The following CAMSAP1 variants were observed in gnomAD, a reference collection of about 807,000 sequenced individuals.
CAMSAP1 encodes calmodulin regulated spectrin associated protein 1.
Under a neutral mutation model 143.5 loss-of-function variants are expected in CAMSAP1, and 58 were observed. That is an observed-to-expected ratio of 0.40 (90% confidence interval 0.33 to 0.50). The LOEUF (loss-of-function observed/expected upper bound fraction) is 0.50, where lower values mean the gene tolerates loss of function less well. Among genes scored for constraint, CAMSAP1 ranks in the 20% least tolerant of loss-of-function variants. The pLI, the probability that CAMSAP1 is intolerant of heterozygous loss-of-function variation, is 0.45. For synonymous variants in CAMSAP1, 945 were observed against 859.3 expected, an observed-to-expected ratio of 1.10 and a Z score of -1.74; for missense variants, 1,969 against 2,115.7, an observed-to-expected ratio of 0.93 and a Z score of 1.36.
At chr9:135,840,451 T>C (rs1033376592) in intron 7 of CAMSAP1, among the ~76,000 whole-genome samples, 7 of 151,888 alleles carry the variant, frequency 4.6e-5, no homozygotes, top group African/African-American at 1.7e-4. Context: ...CACGACGGGG[T>C]CCGATGGGAA....
chr9:135,874,481 G>T lies in CAMSAP1; in HGVS notation c.585+7152C>A, dbSNP rs568270234. 6.9e-4 allele frequency among the ~76,000 whole-genome samples: 104 copies of T among 150,174 alleles called. 7 individuals carry two copies. In the South Asian group the frequency reaches 0.011, roughly 16 times the overall value. On this transcript the variant is annotated intron_variant, in intron 3 of 16. Coordinates refer to ENST00000389532, the MANE Select transcript of CAMSAP1 (RefSeq NM_015447.4). ...GGGTGAGACCCTGTCTCAAAAAAGG[G>T]GGGGGGGGGCCACAGGGGCCGGGAA...
intron 7 of CAMSAP1, among the ~76,000 whole-genome samples, chr9:135,827,913 C>T (rs927184023): frequency 6.6e-6 from 1 of 152,262 alleles, no homozygotes; most frequent in African/African-American, 2.4e-5. Context: ...AAACCACGTG[C>T]CACCTTCACC....
Position 135,820,497 on chromosome 9 carries a change from C to A in CAMSAP1, c.3822+342G>T, listed in dbSNP as rs560742202. ...GCATTCTAACGACGAACGCTTTTTACGCTTTGGGGCAGGACAGGGAGATGA... is the reference window on the plus strand; with the variant it reads ...GCATTCTAACGACGAACGCTTTTTAAGCTTTGGGGCAGGACAGGGAGATGA... On this transcript the variant is annotated intron_variant, in intron 11 of 16. Transcript: ENST00000389532. The surrounding 1 kb of genome is among the most constrained non-coding windows in gnomAD (Gnocchi z 4.4). Among the ~76,000 whole-genome samples the A allele has an allele frequency of 1.4e-3, 207 of 152,020 alleles. No individual in the cohort carries two copies. Among genetic ancestry groups the A allele is most frequent in the African/African-American group, 4.7e-3 (193 of 41,416 alleles).
intron 4 of CAMSAP1, among the ~76,000 whole-genome samples, chr9:135,863,528 C>A (rs1212054737): frequency 6.6e-6 from 1 of 152,188 alleles, no homozygotes; most frequent in Non-Finnish European, 1.5e-5. Context: ...TAAAAAATGA[C>A]TGATTTCTGA....
Position 135,824,572 on chromosome 9 carries a change from G to A in CAMSAP1, c.1315+217C>T, listed in dbSNP as rs1835603896. Among the ~76,000 whole-genome samples the A allele has an allele frequency of 6.6e-6, 1 of 152,296 alleles. No homozygotes were observed. The highest frequency in any genetic ancestry group is 2.1e-4 in the South Asian group (1 of 4,826). Reference sequence around the variant, plus strand: ...CCCAGCTATGTGGGAGGCTGAGGCAGGAGAATTGCTTGAACCAGGGAGTCA... The same window carrying A: ...CCCAGCTATGTGGGAGGCTGAGGCAAGAGAATTGCTTGAACCAGGGAGTCA... On this transcript the variant is annotated intron_variant, in intron 9 of 16. Coordinates refer to ENST00000389532, the MANE Select transcript of CAMSAP1 (RefSeq NM_015447.4). This position sits in a 1 kb window ranked among gnomAD's most constrained non-coding sequence, Gnocchi z 4.1.
chr9:135,827,697 T>C, intron 7 of CAMSAP1, 113 bp from the exon 8 acceptor site: 4 of 1,052,500 alleles, frequency 3.8e-6, no homozygotes, highest in Non-Finnish European at 2.5e-6. Context: ...ACCAAACTTC[T>C]GCCAAAAAAA....
rs542947021 is a variant in CAMSAP1 at position 135,906,862 on chromosome 9, G to T, written c.160+138C>A. The T allele has an allele frequency of 9.3e-6, 4 of 429,452 alleles. No homozygotes were observed. In the South Asian group the frequency reaches 3.7e-4, roughly 40 times the overall value. The allele number at this position is 429,452 out of a possible 1,614,324, so 26.6% of individuals were successfully genotyped here. A position where few individuals can be genotyped will look rare whatever the true frequency, so the allele number is the denominator to read the frequency against. On this transcript the variant is annotated intron_variant, in intron 1 of 16. Coordinates refer to ENST00000389532, the MANE Select transcript of CAMSAP1 (RefSeq NM_015447.4). ...CGGGCGCCGCCAGGACCTCGGAGGC[G>T]GCCGGCCCAGCCCCGACCCTGTGCG...
intron 5 of CAMSAP1, among the ~76,000 whole-genome samples, chr9:135,858,185 G>C (rs961964109): frequency 2.8e-5 from 4 of 145,070 alleles, no homozygotes; most frequent in African/African-American, 1.0e-4. Flanking sequence ...TTCTCCATTA[G>C]AGGACTTGTT....
At chr9:135,835,836 C>G (rs1338524647) in intron 7 of CAMSAP1, among the ~76,000 whole-genome samples, 3 of 152,142 alleles carry the variant, frequency 2.0e-5, no homozygotes, top group African/African-American at 7.2e-5. Flanking sequence ...AAAAATTAGC[C>G]AGGCATGGTG....
Position 135,882,732 on chromosome 9 carries a change from C to A in CAMSAP1, c.423+84G>T. ...ACCACCTCGCCGCACACCGTGTTCA[C>A]ACCATCCATGCACCAGGTGCGCCAC... On this transcript the variant is annotated intron_variant, in intron 2 of 16. Transcript: ENST00000389532. This position sits in a 1 kb window ranked among gnomAD's most constrained non-coding sequence, Gnocchi z 4.9. 1.4e-6 allele frequency: 2 copies of A among 1,468,386 alleles called. No individual in the cohort carries two copies. The highest frequency in any genetic ancestry group is 1.3e-5 in the South Asian group (1 of 75,356). The allele number at this position is 1,468,386 out of a possible 1,614,324, so 91.0% of individuals were successfully genotyped here.
intron 5 of CAMSAP1, among the ~76,000 whole-genome samples, chr9:135,855,942 C>T (rs1402876376): frequency 6.6e-6 from 1 of 151,834 alleles, no homozygotes; most frequent in Non-Finnish European, 1.5e-5. Flanking sequence ...GTCCCAGCTA[C>T]TCGGTAGGCT....
chr9:135,889,392 C>T (rs1398192244), intron 1 of CAMSAP1, among the ~76,000 whole-genome samples: 1 of 152,226 alleles, frequency 6.6e-6, no homozygotes, highest in Non-Finnish European at 1.5e-5. Context: ...AAACCTGCAA[C>T]TTCCAGGAGA....
At position 135,818,241 on chromosome 9, in the gene CAMSAP1, A is replaced by G; in HGVS notation, c.4169-162T>C. ...CGGGCTGCGCCTGGATGTGCCGCACATCTCAGAGCATCTGGTCTCAACATT... is the reference window on the plus strand; with the variant it reads ...CGGGCTGCGCCTGGATGTGCCGCACGTCTCAGAGCATCTGGTCTCAACATT... On this transcript the variant is annotated intron_variant, in intron 13 of 16. Coordinates refer to ENST00000389532, the MANE Select transcript of CAMSAP1 (RefSeq NM_015447.4). The surrounding 1 kb of genome is among the most constrained non-coding windows in gnomAD (Gnocchi z 7.7). The G allele has an allele frequency of 9.2e-7, 1 of 1,085,068 alleles. No individual in the cohort carries two copies. Among genetic ancestry groups the G allele is most frequent in the Non-Finnish European group, 1.3e-6 (1 of 763,610 alleles). 67.2% of individuals were successfully genotyped at this position (1,085,068 alleles called of 1,614,324 possible).
chr9:135,827,654 C>T (rs1008740577), intron 7 of CAMSAP1, 70 bp from the exon 8 acceptor site: 2 of 1,363,674 alleles, frequency 1.5e-6, no homozygotes, highest in Admixed American at 5.6e-5. Context: ...TAACCTGCAG[C>T]TTTTATAAGC....
At position 135,821,284 on chromosome 9, in the gene CAMSAP1, C is replaced by T; in HGVS notation, c.3377G>A (p.Ser1126Asn). 2 of 1,611,280 alleles carry T rather than the reference C, an allele frequency of 1.2e-6. No homozygotes were observed. Among genetic ancestry groups the T allele is most frequent in the Non-Finnish European group, 1.7e-6 (2 of 1,179,872 alleles). ...TCTCAAGTGCGGGAGCGTCTCTACA[C>T]TGGGCGTTGGGGTTTTACTTCGGGA... ...GSSRSKTPTP[S>N]VETLPHLRPF... Residue 1126 changes from serine to asparagine, a missense_variant, in exon 11 of 17, where the codon AGT becomes AAT. This residue lies in a region of CAMSAP1 where 1,390 missense variants were observed against 1,420.8 expected (regional missense o/e 0.98). Transcript: ENST00000389532. This position sits in a 1 kb window ranked among gnomAD's most constrained non-coding sequence, Gnocchi z 4.6.
intron 1 of CAMSAP1, among the ~76,000 whole-genome samples, chr9:135,885,603 C>A (rs1031783343): frequency 2.0e-5 from 3 of 152,150 alleles, no homozygotes; most frequent in Non-Finnish European, 2.9e-5. Flanking sequence ...AAAAAGCAAC[C>A]ATGGCTCTGA....
At chr9:135,828,618 T>A (rs1302638727) in intron 7 of CAMSAP1, among the ~76,000 whole-genome samples, 1 of 152,200 alleles carries the variant, frequency 6.6e-6, no homozygotes, top group Non-Finnish European at 1.5e-5. Flanking sequence ...CTGGAGAACC[T>A]CAAATTCTCA....
At chr9:135,893,812 G>A (rs1838363726) in intron 1 of CAMSAP1, among the ~76,000 whole-genome samples, 1 of 152,194 alleles carries the variant, frequency 6.6e-6, no homozygotes, top group Non-Finnish European at 1.5e-5. Context: ...GCAGCCAGAA[G>A]GAATTTCTGG....
At chr9:135,816,637 T>A (rs895670979) in intron 14 of CAMSAP1, among the ~76,000 whole-genome samples, 18 of 151,972 alleles carry the variant, frequency 1.2e-4, no homozygotes, top group Admixed American at 1.1e-3. Flanking sequence ...CCAAACAGAA[T>A]CTGCAGTCCC....
Sources: allele counts gnomAD v4.1 joint callset (sites outside exome capture counted in the v4.1 genomes callset), GRCh38; gene constraint gnomAD v4.1.1; regional missense constraint gnomAD v4.1.1; non-coding constraint Gnocchi (gnomAD v3.1); transcripts MANE v1.5; gene names NCBI Gene and HGNC (gene_info 2026-07-23, HGNC 2026-07-21).